Variants in AXDND1 observed in about 807,000 individuals in gnomAD.
The protein encoded by AXDND1 is axonemal dynein light chain domain-containing protein 1.
A neutral mutation model predicts 137.5 loss-of-function variants in AXDND1; 110 were observed. The observed-to-expected ratio is 0.80, with a 90% CI of 0.69 to 0.94. The LOEUF (loss-of-function observed/expected upper bound fraction) is 0.94. Among genes scored for constraint, AXDND1 ranks in the 40% least tolerant of loss-of-function variants. The pLI is 0.00. For synonymous variants in AXDND1, 414 were observed against 399.7 expected (o/e 1.04, Z -0.43); for missense variants, 1,191 against 1,169.8 (o/e 1.02, Z -0.26).
chr1:179,387,852 T>C (rs558930531), intron 9 of AXDND1, among the ~76,000 whole-genome samples: 2 of 152,332 alleles, frequency 1.3e-5, no homozygotes, highest in South Asian at 2.1e-4. Context: ...TCTGATCCTT[T>C]TGGGTAGTTC....
chr1:179,457,306 G>A, intron 16 of AXDND1: 1 of 640,702 alleles, frequency 1.6e-6, no homozygotes, highest in South Asian at 1.8e-5. Context: ...AACTGTTTGG[G>A]CTCTTTAGGA....
intron 16 of AXDND1, among the ~76,000 whole-genome samples, chr1:179,464,126 T>G (rs1008626931): frequency 1.3e-5 from 2 of 152,224 alleles, no homozygotes; most frequent in African/African-American, 4.8e-5. Flanking sequence ...CATTTAAGGT[T>G]AATATTATGT....
chr1:179,414,411 C>CTTTATTTATTTA (rs80339851), intron 12 of AXDND1, among the ~76,000 whole-genome samples: 17,277 of 149,142 alleles, frequency 0.12, 1,181 homozygotes, highest in East Asian at 0.32. Context: ...CCAAATTAAT[C>CTTTATTTATTTA]TTTATTTATT....
chr1:179,407,237 T>C (rs1450100566), intron 11 of AXDND1, among the ~76,000 whole-genome samples: 1 of 152,136 alleles, frequency 6.6e-6, no homozygotes, highest in East Asian at 1.9e-4. Context: ...TTTCTTTTTT[T>C]TTTTGTTTTG....
intron 18 of AXDND1, 84 bp from the exon 19 acceptor site, chr1:179,491,454 C>G: frequency 1.1e-6 from 1 of 930,308 alleles, no homozygotes; most frequent in Non-Finnish European, 1.6e-6. Flanking sequence ...CAGGCACGAT[C>G]ATTTCTATTT....
At position 179,540,383 on chromosome 1, in the gene AXDND1, G is replaced by A. The variant is rs148611558; in HGVS notation, c.3031+5421G>A. ...TGACCTATGGATGGGGTTTTGGTGT[G>A]GATGTCCTTTTTTTTGATGTTGATG... On this transcript the variant is annotated intron_variant, in intron 25 of 25. Transcript: ENST00000367618. Among the ~76,000 whole-genome samples, 604 of 152,188 alleles carry A rather than the reference G, an allele frequency of 4.0e-3. 4 individuals carry two copies. The highest frequency in any genetic ancestry group is 0.014 in the African/African-American group (575 of 41,530).
At chr1:179,520,283 G>A (rs1296277605) in intron 21 of AXDND1, among the ~76,000 whole-genome samples, 1 of 152,046 alleles carries the variant, frequency 6.6e-6, no homozygotes, top group Non-Finnish European at 1.5e-5. Flanking sequence ...GAAGCTTTTG[G>A]GCTGAGACAA....
At chr1:179,378,422 GAT>G (rs1278939422) in intron 4 of AXDND1, among the ~76,000 whole-genome samples, 1 of 152,064 alleles carries the variant, frequency 6.6e-6, no homozygotes, top group Admixed American at 6.6e-5. Flanking sequence ...AAGAGTTTGT[GAT>G]ATGAATGAGA....
intron 12 of AXDND1, among the ~76,000 whole-genome samples, chr1:179,414,400 T>G (rs1416361988): frequency 7.1e-6 from 1 of 141,294 alleles, no homozygotes; most frequent in African/African-American, 2.6e-5. Flanking sequence ...GTCAGTTCTC[T>G]CCAAATTAAT....
At chr1:179,526,453 A>G (rs1393967710) in intron 22 of AXDND1, among the ~76,000 whole-genome samples, 1 of 152,180 alleles carries the variant, frequency 6.6e-6, no homozygotes, top group East Asian at 1.9e-4. Context: ...AAGTGGCAGA[A>G]CCGATATTCA....
At chr1:179,459,945 TTTTC>T (rs1234906502) in intron 16 of AXDND1, among the ~76,000 whole-genome samples, 3 of 147,438 alleles carry the variant, frequency 2.0e-5, no homozygotes, top group African/African-American at 7.4e-5. Context: ...TCTCTCTCTC[TTTTC>T]TTTTCTTCCT....
At chr1:179,488,637 T>C (rs200846965) in intron 18 of AXDND1, among the ~76,000 whole-genome samples, 3,794 of 23,300 alleles carry the variant, frequency 0.16, 295 homozygotes, top group Middle Eastern at 0.27. Context: ...TCTCTCTCCT[T>C]TCTTTCTTTC....
intron 15 of AXDND1, among the ~76,000 whole-genome samples, chr1:179,436,078 A>G (rs1658109581): frequency 6.6e-6 from 1 of 152,242 alleles, no homozygotes; most frequent in African/African-American, 2.4e-5. Flanking sequence ...TGGCCAACAA[A>G]CATGAAGAAA....
intron 12 of AXDND1, among the ~76,000 whole-genome samples, chr1:179,414,494 G>A (rs1034679129): frequency 4.0e-5 from 6 of 151,670 alleles, no homozygotes; most frequent in Admixed American, 2.0e-4. Context: ...GCATGATCTC[G>A]GCTCACTGCA....
chr1:179,368,121 G>A (rs1263150251), intron 2 of AXDND1, among the ~76,000 whole-genome samples: 1 of 152,108 alleles, frequency 6.6e-6, no homozygotes, highest in African/African-American at 2.4e-5. Flanking sequence ...AGATTAAGAA[G>A]AATAACAACT....
At chr1:179,378,834 T>G (rs1230193171) in intron 5 of AXDND1, 77 bp downstream of exon 5, 6 of 1,166,862 alleles carry the variant, frequency 5.1e-6, no homozygotes, top group African/African-American at 4.8e-5. Context: ...ATTTTTAATA[T>G]AAATATAAAA....
intron 25 of AXDND1, among the ~76,000 whole-genome samples, chr1:179,540,614 A>G (rs1854337): frequency 0.52 from 79,173 of 151,992 alleles, 20,696 homozygotes; most frequent in East Asian, 0.56. Context: ...GCTCTCCTGT[A>G]TGAGGTGTCT....
At chr1:179,491,865 A>G (rs1666939705) in intron 19 of AXDND1, 128 bp downstream of exon 19, 1 of 811,056 alleles carries the variant, frequency 1.2e-6, no homozygotes, top group South Asian at 2.5e-5. Context: ...TCAGTTTTTC[A>G]ACTAGCTTTA....
At position 179,492,965 on chromosome 1, in the gene AXDND1, CT is replaced by C; in HGVS notation, c.2388+16del. The stretch of plus-strand genomic sequence containing the variant: ...GATAAGTTGAAGGTAATAACTCTGT[CT>C]TCCCCTTAGTTTTGTTTTTGTTTTG... On this transcript the variant is annotated intron_variant, in intron 20 of 25. Transcript: ENST00000367618. 1 of 1,534,466 alleles carries C rather than the reference CT, an allele frequency of 6.5e-7. No individual in the cohort carries two copies. The highest frequency in any genetic ancestry group is 1.7e-4 in the Middle Eastern group (1 of 5,788).
Sources: allele counts gnomAD v4.1 joint callset (sites outside exome capture counted in the v4.1 genomes callset), GRCh38; gene constraint gnomAD v4.1.1; transcripts MANE v1.5; gene names NCBI Gene and HGNC (gene_info 2026-07-23, HGNC 2026-07-21).